The following HSPG2 variants were observed in gnomAD, a reference collection of about 807,000 sequenced individuals.
HSPG2 encodes heparan sulfate proteoglycan 2.
HSPG2 carries 278 observed loss-of-function variants against 526.6 expected under a neutral mutation model. The ratio of observed to expected loss-of-function variants is 0.53; its 90% CI spans 0.48 to 0.58. HSPG2 has a LOEUF of 0.58. Among genes scored for constraint, HSPG2 ranks in the 20% least tolerant of loss-of-function variants. The pLI is 0.00. For synonymous variants in HSPG2, 2,465 were observed against 2,555.4 expected, an observed-to-expected ratio of 0.96 and a Z score of 1.07; for missense variants, 5,354 against 6,099.5, an observed-to-expected ratio of 0.88 and a Z score of 4.07.
At chr1:21,829,117 C>A in intron 87 of HSPG2, 38 bp from the exon 88 acceptor site, 1 of 1,524,842 alleles carries the variant, frequency 6.6e-7, no homozygotes. Flanking sequence ...CACATGGGGG[C>A]ACACGGGGCT....
At chr1:21,826,169 C>T (rs533844554) in intron 91 of HSPG2, among the ~76,000 whole-genome samples, 3 of 152,166 alleles carry the variant, frequency 2.0e-5, no homozygotes, top group African/African-American at 7.2e-5. Flanking sequence ...ACAGCCTCGA[C>T]CTCCTGGGCT....
intron 85 of HSPG2, chr1:21,830,716 G>T: frequency 2.6e-6 from 1 of 389,504 alleles, no homozygotes; most frequent in Non-Finnish European, 4.6e-6. Flanking sequence ...AAAAAAAGAT[G>T]GGCTGGGGGT....
At position 21,824,616 on chromosome 1, in the gene HSPG2, C is replaced by T. The variant is rs758719188; in HGVS notation, c.12666-1G>A. 1 of 1,614,096 alleles carries T rather than the reference C, an allele frequency of 6.2e-7. No individual in the cohort carries two copies. ...GATGGTCTCGGGCACCTCGGGCAGG[C>T]TGCGGAGGAAGAGCGGGTGAGGGGA... On this transcript the variant is annotated splice_acceptor_variant, in intron 92 of 96. Coordinates refer to ENST00000374695, the MANE Select transcript of HSPG2 (RefSeq NM_005529.7). LOFTEE classifies it high-confidence loss of function. This position sits in a 1 kb window ranked among gnomAD's most constrained non-coding sequence, Gnocchi z 5.9.
At position 21,876,001 on chromosome 1, in the gene HSPG2, C is replaced by T. The variant is rs1217558926; in HGVS notation, c.3045G>A (p.Gln1015=). 1 of 1,614,172 alleles carries T rather than the reference C, an allele frequency of 6.2e-7. No individual in the cohort carries two copies. The highest frequency in any genetic ancestry group is 1.1e-5 in the South Asian group (1 of 91,088). Residue 1015 remains glutamine (Q), a synonymous_variant, in exon 24 of 97, where the codon CAG becomes CAA. Transcript: ENST00000374695. ...YGGELRFTVT[Q]RSQPGSTPLH... is the part of the protein sequence containing the mutation. ...GGGGTGTGGAGCCCGGCTGGGACCT[C>T]TGGGTCACTGTGAAGCGCAGCTCTC...
In HSPG2 at chr1:21,831,683, C is replaced by T. The variant is rs1198198144; in HGVS notation, c.11321G>A (p.Gly3774Asp). ...RSLTQGSLIV[G>D]DLAPVNGTSQ... Reference sequence around the variant, plus strand: ...GGTCCCATTGACCGGGGCCAGGTCACCCACAATCAGGGAGCCCTGGGTGAG... The same window carrying T: ...GGTCCCATTGACCGGGGCCAGGTCATCCACAATCAGGGAGCCCTGGGTGAG... The change falls in exon 82 of 97, where the codon GGT (glycine) becomes GAT (aspartate). Residue 3774 changes from glycine to aspartate, a missense_variant. Transcript: ENST00000374695. 1 of 1,605,788 alleles carries T rather than the reference C, an allele frequency of 6.2e-7. No individual in the cohort carries two copies. The highest frequency in any genetic ancestry group is 1.7e-5 in the Admixed American group (1 of 58,548).
rs555463533 is a variant in HSPG2 at position 21,855,667 on chromosome 1, C to A, written c.5710G>T (p.Gly1904Cys). 1.9e-6 allele frequency: 3 copies of A among 1,575,586 alleles called. No individual in the cohort carries two copies. The highest frequency in any genetic ancestry group is 2.6e-6 in the Non-Finnish European group (3 of 1,163,614). Residue 1904 changes from glycine to cysteine, a missense_variant, in exon 46 of 97, where the codon GGC becomes TGC. By Grantham distance (159) the Gly-to-Cys change is radical. Coordinates refer to ENST00000374695, the MANE Select transcript of HSPG2 (RefSeq NM_005529.7). ...TPTLEWTGGPGGQLPAKAQIH... is the reference protein window; with the variant it reads ...TPTLEWTGGPCGQLPAKAQIH... ...TGTGCCTTCGCAGGGAGCTGGCCGC[C>A]GGGGCCCCCTGACGAGTAGACGTGG...
chr1:21,851,298 T>C (rs757219621), intron 55 of HSPG2: 4 of 581,178 alleles, frequency 6.9e-6, no homozygotes, highest in African/African-American at 1.9e-5. Flanking sequence ...TACCATTTTA[T>C]AGGCCCTGAA....
chr1:21,842,387 G>C lies in HSPG2; in HGVS notation c.8911-7C>G. On this transcript the variant is annotated splice_region_variant and splice_polypyrimidine_tract_variant and intron_variant, in intron 67 of 96. Coordinates refer to ENST00000374695, the MANE Select transcript of HSPG2 (RefSeq NM_005529.7). ...GCAGCTGGGAGCCATGGGTCTGTCA[G>C]AGCAGCGAGGGGACAGTTATCAGGG... 1.3e-6 allele frequency: 2 copies of C among 1,599,980 alleles called. No individual in the cohort carries two copies. The highest frequency in any genetic ancestry group is 1.3e-5 in the African/African-American group (1 of 74,860).
intron 67 of HSPG2, 102 bp downstream of exon 67, chr1:21,842,668 G>A (rs1430816819): frequency 6.7e-7 from 1 of 1,484,258 alleles, no homozygotes. Context: ...TATCCCCTGG[G>A]GTCCCCAAGC....
intron 3 of HSPG2, among the ~76,000 whole-genome samples, chr1:21,892,537 TGCCTGA>T: frequency 6.6e-6 from 1 of 152,324 alleles, no homozygotes; most frequent in Non-Finnish European, 1.5e-5. Flanking sequence ...CTGCAGCTGG[TGCCTGA>T]GCACTGGGGC....
chr1:21,836,667 G>C lies in HSPG2; in HGVS notation c.10355+135C>G, dbSNP rs923163291. ...CCCACTGTACAGCTGAGAACACTGAGGCTCAGAGAGGTAAAGTGATGTGTC... is the reference window on the plus strand; with the variant it reads ...CCCACTGTACAGCTGAGAACACTGACGCTCAGAGAGGTAAAGTGATGTGTC... On this transcript the variant is annotated intron_variant, in intron 75 of 96. Coordinates refer to ENST00000374695, the MANE Select transcript of HSPG2 (RefSeq NM_005529.7). 5 of 772,774 alleles carry C rather than the reference G, an allele frequency of 6.5e-6. No individual in the cohort carries two copies. The African/African-American group carries it at 6.8e-5, about 11-fold the overall frequency. 47.9% of individuals were successfully genotyped at this position (772,774 alleles called of 1,614,324 possible). A position where few individuals can be genotyped will look rare whatever the true frequency, so the allele number is the denominator to read the frequency against.
intron 64 of HSPG2, among the ~76,000 whole-genome samples, chr1:21,845,325 G>C (rs1289698214): frequency 6.6e-6 from 1 of 152,178 alleles, no homozygotes; most frequent in African/African-American, 2.4e-5. Context: ...GGACAGGCTT[G>C]ATGTGTTTTT....
At chr1:21,867,362 G>C (rs887618406) in intron 33 of HSPG2, among the ~76,000 whole-genome samples, 1 of 152,062 alleles carries the variant, frequency 6.6e-6, no homozygotes, top group African/African-American at 2.4e-5. Flanking sequence ...TGGGATTATA[G>C]GTGTGAGCCA....
In HSPG2 at chr1:21,890,503, G is replaced by A. The variant is rs746344135; in HGVS notation, c.355-18C>T. On this transcript the variant is annotated intron_variant, in intron 4 of 96. Coordinates refer to ENST00000374695, the MANE Select transcript of HSPG2 (RefSeq NM_005529.7). The surrounding 1 kb of genome is among the most constrained non-coding windows in gnomAD (Gnocchi z 4.1). ...GACTCCAGCTGGGGAGGGACACAGT[G>A]CCATCAGCCCCAGAGGCCTTCACCC... is the stretch of plus-strand genomic sequence containing the variant. 5.0e-5 allele frequency: 80 copies of A among 1,613,442 alleles called. No individual in the cohort carries two copies. In the Admixed American group the frequency reaches 7.0e-4, roughly 14 times the overall value.
chr1:21,851,294 T>G, intron 55 of HSPG2: 1 of 569,888 alleles, frequency 1.8e-6, no homozygotes, highest in Non-Finnish European at 3.1e-6. Context: ...TTGTTACCAT[T>G]TTATAGGCCC....
At chr1:21,885,494 A>G (rs764032605) in intron 9 of HSPG2, 43 bp from the exon 10 acceptor site, 1 of 1,611,508 alleles carries the variant, frequency 6.2e-7, no homozygotes, top group Non-Finnish European at 8.5e-7. Context: ...CACCCCGTCC[A>G]TCCTCCCTGG....
rs759949207 is a variant in HSPG2 at position 21,880,646 on chromosome 1, C to T, written c.1998+10G>A. 2.8e-5 allele frequency: 44 copies of T among 1,592,444 alleles called. No homozygotes were observed. The highest frequency in any genetic ancestry group is 2.7e-4 in the South Asian group (24 of 88,070). On this transcript the variant is annotated intron_variant, in intron 15 of 96. Transcript: ENST00000374695. ...TTGCTCCCAGCCCTAAGGGCTCAGG[C>T]GCCACCCACCTCAGAGAACTGGACC...
chr1:21,852,761 C>T lies in HSPG2; in HGVS notation c.6663G>A (p.Val2221=). ...AGGCCTCTAGGGGGCCGGAGGTGCCCACCACATGGCACACATACTCGCCTG... is the reference window on the plus strand; with the variant it reads ...AGGCCTCTAGGGGGCCGGAGGTGCCTACCACATGGCACACATACTCGCCTG... The part of the protein sequence containing the change: ...ADSGEYVCHV[V]GTSGPLEASV... Residue 2221 remains valine, a synonymous_variant, in exon 52 of 97, where the codon GTG becomes GTA. Transcript: ENST00000374695. 6.2e-7 allele frequency: 1 copy of T among 1,613,298 alleles called. No homozygotes were observed. Among genetic ancestry groups the T allele is most frequent in the Non-Finnish European group, 8.5e-7 (1 of 1,180,006 alleles).
chr1:21,867,475 G>A (rs576030574), intron 33 of HSPG2, among the ~76,000 whole-genome samples: 3 of 152,090 alleles, frequency 2.0e-5, no homozygotes, highest in Non-Finnish European at 2.9e-5. Flanking sequence ...TGGACAAGTC[G>A]CTTCACCTCT....
Sources: allele counts gnomAD v4.1 joint callset (sites outside exome capture counted in the v4.1 genomes callset), GRCh38; gene constraint gnomAD v4.1.1; non-coding constraint Gnocchi (gnomAD v3.1); transcripts MANE v1.5; gene names NCBI Gene and HGNC (gene_info 2026-07-23, HGNC 2026-07-21).